The following PLCE1 variants were observed in gnomAD, a reference collection of about 807,000 sequenced individuals.
PLCE1 encodes the protein 1-phosphatidylinositol 4,5-bisphosphate phosphodiesterase epsilon-1.
A neutral mutation model predicts 242.8 loss-of-function variants in PLCE1; 119 were observed. The ratio of observed to expected loss-of-function variants is 0.49; its 90% CI spans 0.42 to 0.57. The LOEUF (loss-of-function observed/expected upper bound fraction) is 0.57. PLCE1 is among the 20% of genes least tolerant of loss of function. PLCE1 has a pLI of 0.00. For missense variants in PLCE1, 2,441 were observed against 2,788.8 expected (o/e 0.88, Z 2.81); for synonymous variants, 945 against 1,017.4 (o/e 0.93, Z 1.35).
chr10:94,225,856 T>C (rs1038433976), intron 4 of PLCE1, among the ~76,000 whole-genome samples: 1 of 152,268 alleles, frequency 6.6e-6, no homozygotes, highest in Non-Finnish European at 1.5e-5. Flanking sequence ...ACAGGCAGTA[T>C]GCCATTGACC....
At chr10:94,273,896 T>A (rs1345539727) in intron 19 of PLCE1, among the ~76,000 whole-genome samples, 176 bp downstream of exon 19, 1 of 152,218 alleles carries the variant, frequency 6.6e-6, no homozygotes, top group East Asian at 1.9e-4. Context: ...AATTCTCTCA[T>A]CTCACTCACC....
At chr10:94,251,436 G>C (rs763932223) in intron 8 of PLCE1, among the ~76,000 whole-genome samples, 24 of 152,196 alleles carry the variant, frequency 1.6e-4, no homozygotes, top group Non-Finnish European at 2.6e-4. Context: ...GAACTGCAAA[G>C]GAGAGCCAGC....
At chr10:94,138,627 T>G in intron 3 of PLCE1, 1 of 389,556 alleles carries the variant, frequency 2.6e-6, no homozygotes, top group Non-Finnish European at 5.0e-6. Context: ...TGTTATGAGC[T>G]TCATCTTGCT....
chr10:94,067,686 G>T (rs2044237073), intron 2 of PLCE1, among the ~76,000 whole-genome samples: 2 of 152,160 alleles, frequency 1.3e-5, no homozygotes, highest in South Asian at 4.1e-4. Context: ...AATGAAAGAG[G>T]GCTGCTTGGC....
intron 8 of PLCE1, among the ~76,000 whole-genome samples, chr10:94,247,574 C>A (rs1337449013): frequency 6.6e-6 from 1 of 152,284 alleles, no homozygotes; most frequent in East Asian, 1.9e-4. Context: ...CTTTAACTTA[C>A]TGCATATTGC....
intron 2 of PLCE1, among the ~76,000 whole-genome samples, chr10:94,079,257 G>A (rs758185128): frequency 6.6e-6 from 1 of 152,040 alleles, no homozygotes; most frequent in Non-Finnish European, 1.5e-5. Context: ...GCAAATCTGA[G>A]GTCACGAAGC....
chr10:94,201,637 G>A (rs2048989622), intron 4 of PLCE1, among the ~76,000 whole-genome samples: 2 of 152,018 alleles, frequency 1.3e-5, no homozygotes, highest in Non-Finnish European at 1.5e-5. Context: ...CACCAAGCCC[G>A]GCTAATTTTT....
Position 94,304,614 on chromosome 10 carries a change from A to G in PLCE1, c.5591A>G (p.Asp1864Gly). ...TTTTCTCCACTAGAAAGAGATCTGG[A>G]CAGCATGGATCCTGCAGTCTATTCT... The part of the protein sequence containing the change: ...QKFSPLERDL[D>G]SMDPAVYSLT... The change falls in exon 25 of 33, where the codon GAC becomes GGC. Residue 1864 changes from aspartate (D) to glycine (G), a missense_variant. Coordinates refer to ENST00000371380, the MANE Select transcript of PLCE1 (RefSeq NM_016341.4). The G allele has an allele frequency of 1.2e-6, 2 of 1,614,136 alleles. No homozygotes were observed. Among genetic ancestry groups the G allele is most frequent in the Non-Finnish European group, 1.7e-6 (2 of 1,179,986 alleles).
intron 4 of PLCE1, among the ~76,000 whole-genome samples, chr10:94,199,503 A>G (rs1393514940): frequency 2.6e-5 from 4 of 152,242 alleles, no homozygotes; most frequent in African/African-American, 9.6e-5. Context: ...CCAAGTAAGA[A>G]ATGCTGCCAC....
chr10:94,054,384 G>A (rs1301609442), intron 2 of PLCE1, among the ~76,000 whole-genome samples: 1 of 152,170 alleles, frequency 6.6e-6, no homozygotes, highest in African/African-American at 2.4e-5. Flanking sequence ...AGTACACCAT[G>A]TTCTAGGCCT....
chr10:94,203,099 T>C (rs139073812), intron 4 of PLCE1, among the ~76,000 whole-genome samples: 2 of 152,330 alleles, frequency 1.3e-5, no homozygotes, highest in Non-Finnish European at 2.9e-5. Flanking sequence ...CCTTAGGTCA[T>C]TCTCAATTTA....
chr10:94,244,686 G>C (rs2050620303), intron 7 of PLCE1, among the ~76,000 whole-genome samples: 1 of 152,114 alleles, frequency 6.6e-6, no homozygotes, highest in Non-Finnish European at 1.5e-5. Flanking sequence ...TTCCCAAGGA[G>C]TGTCCTTTTT....
In PLCE1 at chr10:94,222,039, G is replaced by C. The variant is rs552569851; in HGVS notation, c.1810-5267G>C. Among the ~76,000 whole-genome samples the C allele has an allele frequency of 1.2e-3, 176 of 152,262 alleles. 9 individuals are homozygous for C. The South Asian group carries it at 0.035, about 31-fold the overall frequency. On this transcript the variant is annotated intron_variant, in intron 4 of 32. Transcript: ENST00000371380. ...CCTGCCCACGGCCTCCTGGGACTCT[G>C]GATGGCCTGCCTGTCTGCCAGAGAC...
chr10:94,111,954 G>C (rs1257639555), intron 2 of PLCE1, among the ~76,000 whole-genome samples: 2 of 152,102 alleles, frequency 1.3e-5, no homozygotes, highest in Non-Finnish European at 2.9e-5. Flanking sequence ...GTGAGGCCTA[G>C]ACAGGAACAG....
chr10:94,239,194 A>G (rs1386325989), intron 7 of PLCE1, among the ~76,000 whole-genome samples: 1 of 152,214 alleles, frequency 6.6e-6, no homozygotes, highest in Non-Finnish European at 1.5e-5. Context: ...TGAGGGTGAT[A>G]TGGTTTGGCT....
chr10:94,030,984 C>T lies in PLCE1; in HGVS notation c.-63C>T, dbSNP rs921038961. ...GTAATAATCAGTCATTTTATTAAAACCTTGACATGATCACCAGGGAGGAAA... is the reference window on the plus strand; with the variant it reads ...GTAATAATCAGTCATTTTATTAAAATCTTGACATGATCACCAGGGAGGAAA... On this transcript the variant is annotated 5_prime_UTR_variant, in exon 2 of 33. Transcript: ENST00000371380. The T allele has an allele frequency of 2.8e-5, 43 of 1,544,648 alleles. No individual in the cohort carries two copies. Among genetic ancestry groups the T allele is most frequent in the Admixed American group, 2.0e-4 (12 of 59,848 alleles).
chr10:94,130,204 G>A (rs1488561423), intron 2 of PLCE1, among the ~76,000 whole-genome samples: 1 of 152,154 alleles, frequency 6.6e-6, no homozygotes, highest in African/African-American at 2.4e-5. Context: ...GAGATCTGCA[G>A]CTCTCTACCC....
intron 2 of PLCE1, among the ~76,000 whole-genome samples, chr10:94,119,977 C>T (rs537177872): frequency 6.6e-6 from 1 of 152,162 alleles, no homozygotes; most frequent in African/African-American, 2.4e-5. Flanking sequence ...AATGTCAGTC[C>T]AAGCTTCTCA....
intron 3 of PLCE1, among the ~76,000 whole-genome samples, chr10:94,168,735 TAGAGA>T (rs746348840): frequency 1.6e-4 from 24 of 152,168 alleles, no homozygotes; most frequent in Non-Finnish European, 3.1e-4. Flanking sequence ...TCTTATATAT[TAGAGA>T]AGTGACTGGA....
Sources: allele counts gnomAD v4.1 joint callset (sites outside exome capture counted in the v4.1 genomes callset), GRCh38; gene constraint gnomAD v4.1.1; transcripts MANE v1.5; gene names NCBI Gene and HGNC (gene_info 2026-07-23, HGNC 2026-07-21).